The following DLGAP2 variants were observed in gnomAD, a reference collection of about 807,000 sequenced individuals.
DLGAP2 encodes the protein DLG associated protein 2, also known as disks large-associated protein 2.
A neutral mutation model predicts 100.3 loss-of-function variants in DLGAP2; 26 were observed. That is an observed-to-expected ratio of 0.26 (90% CI 0.19 to 0.36). The LOEUF (loss-of-function observed/expected upper bound fraction) is 0.36. DLGAP2 is among the 10% of genes least tolerant of loss of function. The probability of loss-of-function intolerance (pLI) is 1.00; values close to 1 mark genes in which losing one functional copy is unlikely to be tolerated. For missense variants in DLGAP2, 1,858 were observed against 1,453.2 expected, an observed-to-expected ratio of 1.28 and a Z score of -4.53; for synonymous variants, 886 against 630.1, an observed-to-expected ratio of 1.41 and a Z score of -6.08.
intron 1 of DLGAP2, among the ~76,000 whole-genome samples, chr8:855,283 CA>C (rs1448603770): frequency 6.6e-6 from 1 of 152,110 alleles, no homozygotes; most frequent in Non-Finnish European, 1.5e-5. Flanking sequence ...TGGGCACTTT[CA>C]GCATGAATGC....
intron 2 of DLGAP2, among the ~76,000 whole-genome samples, chr8:1,174,799 A>C (rs1263535978): frequency 6.6e-6 from 1 of 151,984 alleles, no homozygotes; most frequent in Non-Finnish European, 1.5e-5. Flanking sequence ...CATTATCACT[A>C]CCTCCATCAT....
intron 2 of DLGAP2, among the ~76,000 whole-genome samples, chr8:1,194,940 G>A (rs1187087644): frequency 2.0e-5 from 3 of 152,178 alleles, no homozygotes; most frequent in South Asian, 2.1e-4. Context: ...AACTACCAAC[G>A]GACAGTCAGG....
At chr8:1,245,736 A>G (rs1276050942) in intron 2 of DLGAP2, among the ~76,000 whole-genome samples, 2 of 152,210 alleles carry the variant, frequency 1.3e-5, no homozygotes, top group South Asian at 2.1e-4. Context: ...TGTGAATGAT[A>G]TCTGAATAAA....
chr8:1,514,330 C>T (rs772851141), intron 4 of DLGAP2, among the ~76,000 whole-genome samples: 9 of 152,262 alleles, frequency 5.9e-5, no homozygotes, highest in Non-Finnish European at 1.2e-4. Flanking sequence ...TAACCCCCAA[C>T]AGCCCAGGTG....
intron 1 of DLGAP2, chr8:740,135 A>T (rs1202062627): frequency 6.6e-6 from 1 of 152,188 alleles, no homozygotes; most frequent in Non-Finnish European, 1.5e-5. Flanking sequence ...TGTATATTAT[A>T]ATTTCAGGTT....
In DLGAP2 at chr8:1,510,547, C is replaced by G. The variant is rs576709875; in HGVS notation, c.172+9116C>G. ...GAGGGACAAGGAAAGGAACTGCCTC[C>G]CACCTGTCACTCTGCGTGGGCTCCC... On this transcript the variant is annotated intron_variant, in intron 4 of 14. Transcript: ENST00000637795. Among the ~76,000 whole-genome samples, 3 of 152,342 alleles carry G rather than the reference C, an allele frequency of 2.0e-5. No individual in the cohort carries two copies. The East Asian group carries it at 5.8e-4, about 29-fold the overall frequency.
chr8:1,072,267 C>A (rs1160494970), intron 2 of DLGAP2, among the ~76,000 whole-genome samples: 2 of 152,170 alleles, frequency 1.3e-5, no homozygotes, highest in Admixed American at 1.3e-4. Flanking sequence ...CTCCAGCTTT[C>A]CACTTCCATC....
chr8:1,429,424 TTG>T (rs1384853765), intron 3 of DLGAP2, among the ~76,000 whole-genome samples: 1 of 152,114 alleles, frequency 6.6e-6, no homozygotes, highest in African/African-American at 2.4e-5. Context: ...GGGTCCAGGA[TTG>T]TGTCTTGTTC....
At chr8:1,489,785 C>T (rs558361702) in intron 3 of DLGAP2, among the ~76,000 whole-genome samples, 2 of 152,276 alleles carry the variant, frequency 1.3e-5, no homozygotes, top group Admixed American at 1.3e-4. Context: ...CGTAACGTTA[C>T]GATGGGAATT....
At chr8:1,234,220 G>C (rs576448990) in intron 2 of DLGAP2, among the ~76,000 whole-genome samples, 1 of 152,328 alleles carries the variant, frequency 6.6e-6, no homozygotes, top group African/African-American at 2.4e-5. Flanking sequence ...TGGGACTTCT[G>C]TAACCAGTGG....
At chr8:894,047 G>C (rs1013018590) in intron 1 of DLGAP2, among the ~76,000 whole-genome samples, 1 of 152,224 alleles carries the variant, frequency 6.6e-6, no homozygotes, top group East Asian at 1.9e-4. Context: ...CTTCTGGCAG[G>C]CAGGGGCTTC....
At chr8:1,006,229 C>A (rs1302624320) in intron 2 of DLGAP2, among the ~76,000 whole-genome samples, 2 of 152,166 alleles carry the variant, frequency 1.3e-5, no homozygotes, top group Non-Finnish European at 2.9e-5. Flanking sequence ...CATCCCCCAA[C>A]CCCTGAAAAA....
chr8:1,614,035 A>T (rs758086253), intron 6 of DLGAP2, among the ~76,000 whole-genome samples: 23 of 152,234 alleles, frequency 1.5e-4, no homozygotes, highest in Non-Finnish European at 2.8e-4. Flanking sequence ...TTCAGCGAAA[A>T]TGGGCCTCAG....
intron 1 of DLGAP2, among the ~76,000 whole-genome samples, chr8:895,512 T>G (rs2128996450): frequency 6.6e-6 from 1 of 152,212 alleles, no homozygotes; most frequent in Non-Finnish European, 1.5e-5. Context: ...GCAGGAAGGG[T>G]TTGTGTAACC....
chr8:1,490,138 C>A (rs1464232017), intron 3 of DLGAP2, among the ~76,000 whole-genome samples: 1 of 152,188 alleles, frequency 6.6e-6, no homozygotes, highest in Non-Finnish European at 1.5e-5. Flanking sequence ...GATCCACCTG[C>A]CTCAGCCTCC....
At chr8:851,971 C>T (rs778867563) in intron 1 of DLGAP2, among the ~76,000 whole-genome samples, 1 of 152,180 alleles carries the variant, frequency 6.6e-6, no homozygotes, top group Non-Finnish European at 1.5e-5. Context: ...GTGACTTGGT[C>T]AGGGCACTCA....
At chr8:810,968 C>T (rs73530400) in intron 1 of DLGAP2, among the ~76,000 whole-genome samples, 2,016 of 152,296 alleles carry the variant, frequency 0.013, 57 homozygotes, top group African/African-American at 0.046. Context: ...AAAGGAAGAG[C>T]GTACGGCGGG....
chr8:1,259,021 A>T, intron 3 of DLGAP2, 138 bp downstream of exon 3: 1 of 697,364 alleles, frequency 1.4e-6, no homozygotes, highest in Non-Finnish European at 2.0e-6. Context: ...TTTGATAGGA[A>T]CGTGAGTAAA....
In DLGAP2 at chr8:1,549,198, T is replaced by C; in HGVS notation, c.745T>C (p.Ser249Pro). The C allele has an allele frequency of 1.2e-6, 2 of 1,601,150 alleles. No individual in the cohort carries two copies. The highest frequency in any genetic ancestry group is 1.7e-6 in the Non-Finnish European group (2 of 1,174,776). ...LFTKSHSLEGSSKSNANGTKA... is the reference protein window; with the variant it reads ...LFTKSHSLEGPSKSNANGTKA... ...CACCAAGTCGCACTCGCTGGAGGGC[T>C]CCTCCAAAAGCAACGCCAACGGCAC... Residue 249 changes from serine (S) to proline (P), a missense_variant, in exon 5 of 15, where the codon TCC (serine) becomes CCC (proline). Ser to Pro is a moderately conservative substitution (Grantham distance 74, BLOSUM62 -1). Transcript: ENST00000637795.
Sources: gnomAD v4.1 joint callset for allele counts (sites outside exome capture counted in the v4.1 genomes callset) on GRCh38, gnomAD v4.1.1 for gene constraint, MANE v1.5 for transcripts, NCBI Gene and HGNC (gene_info 2026-07-23, HGNC 2026-07-21) for gene names.